The following PPP2R5A variants were observed in gnomAD, a reference collection of about 807,000 sequenced individuals.
PPP2R5A encodes serine/threonine-protein phosphatase 2A 56 kDa regulatory subunit alpha isoform.
In PPP2R5A, 25 loss-of-function variants were observed where a neutral mutation model predicts 64.2. The observed-to-expected ratio is 0.39, with a 90% confidence interval of 0.28 to 0.54. The LOEUF (loss-of-function observed/expected upper bound fraction) is 0.54, where lower values mean the gene tolerates loss of function less well. PPP2R5A is among the 20% of genes least tolerant of loss of function. The probability of loss-of-function intolerance (pLI) is 0.67; values close to 1 mark genes in which losing one functional copy is unlikely to be tolerated. For synonymous variants in PPP2R5A, 198 were observed against 201.2 expected, an observed-to-expected ratio of 0.98 and a Z score of 0.13; for missense variants, 425 against 576.3, an observed-to-expected ratio of 0.74 and a Z score of 2.69.
intron 1 of PPP2R5A, among the ~76,000 whole-genome samples, chr1:212,317,985 A>G (rs1476458343): frequency 6.6e-6 from 1 of 152,132 alleles, no homozygotes; most frequent in Non-Finnish European, 1.5e-5. Flanking sequence ...AGCCAAATAT[A>G]TTTTCAAGTT....
chr1:212,360,666 G>A lies in PPP2R5A; in HGVS notation c.1357G>A (p.Glu453Lys), dbSNP rs747909101. 1.9e-6 allele frequency: 3 copies of A among 1,579,444 alleles called. No individual in the cohort carries two copies. The highest frequency in any genetic ancestry group is 2.8e-5 in the African/African-American group (2 of 72,614). The change falls in exon 13 of 13, where the codon GAA becomes AAA. Residue 453 changes from glutamate to lysine, a missense_variant. Physicochemically the swap from Glu to Lys is moderately conservative, Grantham distance 56. Coordinates refer to ENST00000261461, the MANE Select transcript of PPP2R5A (RefSeq NM_006243.4). ...GAAAAAGAAGGAATTGGAACGTGAA[G>A]AATTATGGAAAAAATTAGAGGAGCT... ...REKKKELEREELWKKLEELKL... is the reference protein window; with the variant it reads ...REKKKELEREKLWKKLEELKL...
At chr1:212,351,883 T>C (rs1414836915) in intron 8 of PPP2R5A, among the ~76,000 whole-genome samples, 1 of 152,050 alleles carries the variant, frequency 6.6e-6, no homozygotes, top group Non-Finnish European at 1.5e-5. Flanking sequence ...GCTGCATTTT[T>C]ATAAAACAAG....
At chr1:212,303,046 A>C (rs1658827578) in intron 1 of PPP2R5A, among the ~76,000 whole-genome samples, 1 of 152,108 alleles carries the variant, frequency 6.6e-6, no homozygotes, top group Non-Finnish European at 1.5e-5. Flanking sequence ...TAATGCTGCT[A>C]TGAACATTTG....
At chr1:212,292,898 G>T (rs1374097417) in intron 1 of PPP2R5A, among the ~76,000 whole-genome samples, 1 of 152,102 alleles carries the variant, frequency 6.6e-6, no homozygotes, top group East Asian at 1.9e-4. Context: ...GCCTAAAACT[G>T]GTTCAGGATT....
chr1:212,344,145 T>G (rs1347033057), intron 4 of PPP2R5A, among the ~76,000 whole-genome samples: 1 of 152,182 alleles, frequency 6.6e-6, no homozygotes, highest in African/African-American at 2.4e-5. Context: ...AATTTTTGTT[T>G]GTACTTTTAG....
chr1:212,359,980 C>T (rs1660051032), intron 12 of PPP2R5A, among the ~76,000 whole-genome samples: 1 of 152,146 alleles, frequency 6.6e-6, no homozygotes, highest in Non-Finnish European at 1.5e-5. Context: ...CTCATAACTG[C>T]AGAATTATAA....
intron 1 of PPP2R5A, among the ~76,000 whole-genome samples, chr1:212,294,755 CATG>C (rs1467901057): frequency 1.3e-5 from 2 of 152,224 alleles, no homozygotes; most frequent in Admixed American, 6.5e-5. Context: ...TGTTCAGTGT[CATG>C]ATAAGAATAA....
At chr1:212,358,644 T>G (rs1660027466) in intron 11 of PPP2R5A, 42 bp from the exon 12 acceptor site, 1 of 1,406,550 alleles carries the variant, frequency 7.1e-7, no homozygotes, top group Non-Finnish European at 1.0e-6. Context: ...TTCCTCTCTG[T>G]TAGCAGTATC....
chr1:212,338,023 T>C (rs1352350103), intron 3 of PPP2R5A, among the ~76,000 whole-genome samples: 1 of 152,340 alleles, frequency 6.6e-6, no homozygotes, highest in East Asian at 1.9e-4. Context: ...GAAAGCAGCC[T>C]CTTAGGTACT....
chr1:212,322,753 C>G lies in PPP2R5A; in HGVS notation c.182-6382C>G, dbSNP rs559604334. On this transcript the variant is annotated intron_variant, in intron 1 of 12. Coordinates refer to ENST00000261461, the MANE Select transcript of PPP2R5A (RefSeq NM_006243.4). ...AGCTTTCTTGCATTTAATTAATTCT[C>G]ATTTTATTTATTTATTTATTTATTT... Among the ~76,000 whole-genome samples, 84 of 110,676 alleles carry G rather than the reference C, an allele frequency of 7.6e-4. No individual in the cohort carries two copies. The South Asian group carries it at 9.4e-3, about 12-fold the overall frequency. 72.6% of individuals were successfully genotyped at this position (110,676 alleles called of 152,430 possible).
chr1:212,288,216 A>T (rs903868373), intron 1 of PPP2R5A, among the ~76,000 whole-genome samples: 1 of 152,132 alleles, frequency 6.6e-6, no homozygotes, highest in Non-Finnish European at 1.5e-5. Flanking sequence ...GGGTTTCACC[A>T]TGTTGGTGAG....
intron 12 of PPP2R5A, 136 bp downstream of exon 12, chr1:212,358,923 T>A (rs112356988): frequency 3.5e-6 from 2 of 564,446 alleles, no homozygotes; most frequent in Non-Finnish European, 6.0e-6. Context: ...AACATTACAA[T>A]GTGAAAGTCT....
At chr1:212,345,991 C>A in intron 5 of PPP2R5A, 58 bp downstream of exon 5, 1 of 1,477,574 alleles carries the variant, frequency 6.8e-7, no homozygotes, top group Non-Finnish European at 9.2e-7. Flanking sequence ...TTCTTGTATT[C>A]AAGTTCTTTT....
intron 2 of PPP2R5A, among the ~76,000 whole-genome samples, chr1:212,332,975 C>T (rs1167306312): frequency 6.6e-6 from 1 of 151,376 alleles, no homozygotes; most frequent in Non-Finnish European, 1.5e-5. Flanking sequence ...GATCTCGGCT[C>T]ACTGCAACCT....
chr1:212,356,778 A>G, intron 9 of PPP2R5A, 102 bp downstream of exon 9: 1 of 1,382,802 alleles, frequency 7.2e-7, no homozygotes, highest in Admixed American at 2.3e-5. Context: ...GTTGCTAAAG[A>G]GCGGGAGATG....
At position 212,357,248 on chromosome 1, in the gene PPP2R5A, C is replaced by T; in HGVS notation, c.1190C>T (p.Ala397Val). ...NIDKILPIMFASLYKISKEHW... is the reference protein window; with the variant it reads ...NIDKILPIMFVSLYKISKEHW... ...GATAAAATTCTGCCAATTATGTTTGCCAGTTTGTACAAAATTTCCAAAGAA... is the reference window on the plus strand; with the variant it reads ...GATAAAATTCTGCCAATTATGTTTGTCAGTTTGTACAAAATTTCCAAAGAA... The change falls in exon 11 of 13, where the codon GCC becomes GTC. Residue 397 changes from alanine to valine, a missense_variant. This residue lies in a region of PPP2R5A where 177 missense variants were observed against 244.8 expected (regional missense o/e 0.72). Transcript: ENST00000261461. The T allele has an allele frequency of 1.3e-6, 2 of 1,588,780 alleles. No homozygotes were observed. The highest frequency in any genetic ancestry group is 1.2e-5 in the South Asian group (1 of 85,134).
At position 212,359,997 on chromosome 1, in the gene PPP2R5A, G is replaced by GTT. The variant is rs936438457; in HGVS notation, c.1329-638_1329-637dup. ...CATAACTGCAGAATTATAAGCCTATGTTTTACATGTTCATGGAGCCTTTCA... is the reference window on the plus strand; with the variant it reads ...CATAACTGCAGAATTATAAGCCTATGTTTTTTACATGTTCATGGAGCCTTTCA... On this transcript the variant is annotated intron_variant, in intron 12 of 12. Transcript: ENST00000261461. 2.1e-4 allele frequency among the ~76,000 whole-genome samples: 32 copies of GTT among 152,174 alleles called. 1 individual carries two copies. The highest frequency in any genetic ancestry group is 3.8e-4 in the Non-Finnish European group (26 of 68,026).
At chr1:212,321,079 C>A (rs1213149477) in intron 1 of PPP2R5A, among the ~76,000 whole-genome samples, 1 of 111,808 alleles carries the variant, frequency 8.9e-6, no homozygotes, top group African/African-American at 3.7e-5. Context: ...ACCCCCCCGC[C>A]TCCCTCCCGG....
intron 5 of PPP2R5A, among the ~76,000 whole-genome samples, chr1:212,346,286 G>A (rs572700321): frequency 4.0e-5 from 6 of 151,702 alleles, no homozygotes; most frequent in Non-Finnish European, 7.4e-5. Flanking sequence ...TAGTATATAT[G>A]TAACATACTA....
Sources: gnomAD v4.1 joint callset for allele counts (sites outside exome capture counted in the v4.1 genomes callset) on GRCh38, gnomAD v4.1.1 for gene constraint, gnomAD v4.1.1 regional missense constraint, MANE v1.5 for transcripts, NCBI Gene and HGNC (gene_info 2026-07-23, HGNC 2026-07-21) for gene names.